CLMN: variants seen among roughly 807,000 people sequenced by gnomAD.
CLMN encodes calmin (calponin-like, transmembrane).
In CLMN, 57 loss-of-function variants were observed where a neutral mutation model predicts 92.7. The ratio of observed to expected loss-of-function variants is 0.61; its 90% CI spans 0.50 to 0.77. CLMN has a LOEUF of 0.77. CLMN is among the 30% of genes least tolerant of loss of function. The probability of loss-of-function intolerance (pLI) is 0.00; values close to 1 mark genes in which losing one functional copy is unlikely to be tolerated. For missense variants in CLMN, 1,158 were observed against 1,237.5 expected (o/e 0.94, Z 0.96); for synonymous variants, 466 against 470.6 (o/e 0.99, Z 0.13).
At position 95,202,832 on chromosome 14, in the gene CLMN, G is replaced by T; in HGVS notation, c.2511+6C>A. On this transcript the variant is annotated splice_donor_region_variant and intron_variant, in intron 9 of 12. Transcript: ENST00000298912. Reference sequence around the variant, plus strand: ...CCCAGGGTTCCCAAATCCCACGGTTGAGTACCTGATGGCTGTCCATGGGGT... The same window carrying T: ...CCCAGGGTTCCCAAATCCCACGGTTTAGTACCTGATGGCTGTCCATGGGGT... 1 of 1,518,924 alleles carries T rather than the reference G, an allele frequency of 6.6e-7. No individual in the cohort carries two copies. The highest frequency in any genetic ancestry group is 1.3e-5 in the South Asian group (1 of 74,886). 94.1% of individuals were successfully genotyped at this position (1,518,924 alleles called of 1,614,324 possible).
chr14:95,221,611 C>A (rs1031764848), intron 4 of CLMN, 80 bp downstream of exon 4: 2 of 1,243,930 alleles, frequency 1.6e-6, no homozygotes, highest in Non-Finnish European at 1.2e-6. Flanking sequence ...GCTTCTCTTG[C>A]GACCAGCACT....
At chr14:95,210,216 T>C (rs536033628) in intron 7 of CLMN, among the ~76,000 whole-genome samples, 3 of 151,864 alleles carry the variant, frequency 2.0e-5, no homozygotes, top group East Asian at 3.9e-4. Context: ...CACGCCCAGC[T>C]AATTTTTGTA....
At chr14:95,262,813 T>C (rs1179168451) in intron 1 of CLMN, among the ~76,000 whole-genome samples, 4 of 152,228 alleles carry the variant, frequency 2.6e-5, no homozygotes, top group African/African-American at 9.6e-5. Flanking sequence ...GCAATCCTCC[T>C]GCCTTGACCT....
At chr14:95,283,259 C>T (rs1169916636) in intron 1 of CLMN, among the ~76,000 whole-genome samples, 1 of 152,194 alleles carries the variant, frequency 6.6e-6, no homozygotes, top group Non-Finnish European at 1.5e-5. Flanking sequence ...CTTGCTGCTG[C>T]CATGTAAGAA....
chr14:95,239,820 T>C (rs1898183352), intron 1 of CLMN, among the ~76,000 whole-genome samples: 1 of 152,252 alleles, frequency 6.6e-6, no homozygotes. Flanking sequence ...TACAGAATCC[T>C]GCTTTGGAAA....
At chr14:95,271,401 A>G (rs1899704802) in intron 1 of CLMN, among the ~76,000 whole-genome samples, 2 of 152,182 alleles carry the variant, frequency 1.3e-5, no homozygotes, top group Non-Finnish European at 2.9e-5. Flanking sequence ...CTGTCTAGAG[A>G]GGCCACATTC....
At chr14:95,192,641 TA>T (rs1566855501) in intron 12 of CLMN, 1 of 152,402 alleles carries the variant, frequency 6.6e-6, no homozygotes, top group Non-Finnish European at 1.5e-5. Context: ...TGGTCTTCTT[TA>T]AAAAGCTGTC....
In CLMN at chr14:95,189,453, TG is replaced by T. The variant is rs1438139563; in HGVS notation, c.*2110del. 1.3e-5 allele frequency: 2 copies of T among 152,216 alleles called. No homozygotes were observed. Among genetic ancestry groups the T allele is most frequent in the Admixed American group, 1.3e-4 (2 of 15,290 alleles). The allele number at this position is 152,216 out of a possible 1,614,324, so 9.4% of individuals were successfully genotyped here. A position where few individuals can be genotyped will look rare whatever the true frequency, so the allele number is the denominator to read the frequency against. ...TCTTCCATAGAAGCCTATACTCAAA[TG>T]AGATTTTTTTTTCCTTTGCAAAATA... is the stretch of plus-strand genomic sequence containing the variant. On this transcript the variant is annotated 3_prime_UTR_variant, in exon 13 of 13. Transcript: ENST00000298912.
chr14:95,252,681 C>T (rs1434279867), intron 1 of CLMN, among the ~76,000 whole-genome samples: 1 of 152,178 alleles, frequency 6.6e-6, no homozygotes, highest in Non-Finnish European at 1.5e-5. Context: ...TTTAAGGTCA[C>T]ACAGTCTCAG....
At position 95,294,605 on chromosome 14, in the gene CLMN, CACTTATT is replaced by C; in HGVS notation, c.82+25099_82+25105del. ...CTGGTCTCTACCTTGTAGAAAAGGG[CACTTATT>C]TTCAGGTGTGATGGTGAGGATTAGG... On this transcript the variant is annotated intron_variant, in intron 1 of 12. Coordinates refer to ENST00000298912, the MANE Select transcript of CLMN (RefSeq NM_024734.4). This position sits in a 1 kb window ranked among gnomAD's most constrained non-coding sequence, Gnocchi z 4.2. Among the ~76,000 whole-genome samples, 1 of 152,312 alleles carries C rather than the reference CACTTATT, an allele frequency of 6.6e-6. No individual in the cohort carries two copies. Among genetic ancestry groups the C allele is most frequent in the East Asian group, 1.9e-4 (1 of 5,176 alleles).
intron 1 of CLMN, among the ~76,000 whole-genome samples, chr14:95,318,202 A>C (rs1218723594): frequency 6.6e-6 from 1 of 152,208 alleles, no homozygotes; most frequent in Non-Finnish European, 1.5e-5. Flanking sequence ...AGACAGGTAC[A>C]CACACTCACA....
chr14:95,238,523 T>C (rs1208655236), intron 1 of CLMN, among the ~76,000 whole-genome samples: 1 of 152,222 alleles, frequency 6.6e-6, no homozygotes, highest in Non-Finnish European at 1.5e-5. Context: ...ATCAAGACTT[T>C]GGTAATAAAA....
chr14:95,211,631 G>A (rs1897199170), intron 6 of CLMN, among the ~76,000 whole-genome samples: 2 of 147,924 alleles, frequency 1.4e-5, no homozygotes, highest in Non-Finnish European at 3.0e-5. Context: ...TCTCTCAACC[G>A]TGGTCAATAA....
intron 4 of CLMN, among the ~76,000 whole-genome samples, chr14:95,219,221 C>T (rs1897448850): frequency 6.6e-6 from 1 of 152,164 alleles, no homozygotes; most frequent in Non-Finnish European, 1.5e-5. Context: ...CTGATAAATG[C>T]AGCAGGAGGG....
At chr14:95,193,378 A>G (rs748167050) in intron 12 of CLMN, 1 of 1,534,958 alleles carries the variant, frequency 6.5e-7, no homozygotes, top group South Asian at 1.2e-5. Context: ...ATGCCATAAA[A>G]CTGTAAAATC....
chr14:95,292,427 G>GCCCCCCCCCCCCCCCCCC (rs1900605996), intron 1 of CLMN, among the ~76,000 whole-genome samples: 1 of 38,528 alleles, frequency 2.6e-5, no homozygotes, highest in Admixed American at 3.0e-4. Context: ...CCCCCCAAGG[G>GCCCCCCCCCCCCCCCCCC]TCCCCCACCC....
intron 8 of CLMN, among the ~76,000 whole-genome samples, chr14:95,207,859 A>T (rs961892820): frequency 1.3e-5 from 2 of 152,178 alleles, no homozygotes; most frequent in Non-Finnish European, 2.9e-5. Context: ...TCTGTACAAA[A>T]CAGAGCCCCA....
At chr14:95,236,195 C>T (rs1407846164) in intron 1 of CLMN, among the ~76,000 whole-genome samples, 1 of 152,222 alleles carries the variant, frequency 6.6e-6, no homozygotes, top group Non-Finnish European at 1.5e-5. Flanking sequence ...AGGAACATGG[C>T]CGCTCAGTGA....
At position 95,189,897 on chromosome 14, in the gene CLMN, T is replaced by C. The variant is rs1896522254; in HGVS notation, c.*1667A>G. The C allele has an allele frequency of 6.6e-6, 1 of 152,204 alleles. No homozygotes were observed. The allele number at this position is 152,204 out of a possible 1,614,324, so 9.4% of individuals were successfully genotyped here. A position where few individuals can be genotyped will look rare whatever the true frequency, so the allele number is the denominator to read the frequency against. On this transcript the variant is annotated 3_prime_UTR_variant, in exon 13 of 13. Coordinates refer to ENST00000298912, the MANE Select transcript of CLMN (RefSeq NM_024734.4). ...TAATCAGACTGGTTTAGAGGCCAGA[T>C]TTTGGCTGTCATCGACTCAGATGTG...
Sources: allele counts gnomAD v4.1 joint callset (sites outside exome capture counted in the v4.1 genomes callset), GRCh38; gene constraint gnomAD v4.1.1; non-coding constraint Gnocchi (gnomAD v3.1); transcripts MANE v1.5; gene names NCBI Gene and HGNC (gene_info 2026-07-23, HGNC 2026-07-21).